The following TBC1D10A variants were observed in gnomAD, a reference collection of about 807,000 sequenced individuals.
The protein encoded by TBC1D10A is EBP50-PDX interactor of 64 kDa.
Under a neutral mutation model 52.9 loss-of-function variants are expected in TBC1D10A, and 24 were observed. The ratio of observed to expected loss-of-function variants is 0.45; its 90% CI spans 0.33 to 0.64. The LOEUF (loss-of-function observed/expected upper bound fraction) is 0.64, where lower values mean the gene tolerates loss of function less well. Among genes scored for constraint, TBC1D10A ranks in the 30% least tolerant of loss-of-function variants. The probability of loss-of-function intolerance (pLI) is 0.02; values close to 1 mark genes in which losing one functional copy is unlikely to be tolerated. For missense variants in TBC1D10A, 602 were observed against 687.9 expected (o/e 0.88, Z 1.40); for synonymous variants, 278 against 282.9 (o/e 0.98, Z 0.17).
At chr22:30,314,986 G>A (rs1283236302) in intron 1 of TBC1D10A, among the ~76,000 whole-genome samples, 1 of 152,266 alleles carries the variant, frequency 6.6e-6, no homozygotes, top group African/African-American at 2.4e-5. Flanking sequence ...GAATCTTTCG[G>A]GATGCCCACC....
In TBC1D10A at chr22:30,326,657, C is replaced by T. The variant is rs1462315522; in HGVS notation, c.209+16G>A. 2 of 1,556,500 alleles carry T rather than the reference C, an allele frequency of 1.3e-6. No individual in the cohort carries two copies. The highest frequency in any genetic ancestry group is 2.8e-5 in the African/African-American group (2 of 70,868). On this transcript the variant is annotated intron_variant, in intron 1 of 8. Coordinates refer to ENST00000215790, the MANE Select transcript of TBC1D10A (RefSeq NM_031937.3). ...CGTGGGTGGCGCGCTCAGTCCCGAC[C>T]CCCGGCGCTACTCACGCGCCCTCGG...
At chr22:30,301,711 G>A (rs752007563) in intron 2 of TBC1D10A, among the ~76,000 whole-genome samples, 8 of 152,162 alleles carry the variant, frequency 5.3e-5, no homozygotes, top group Non-Finnish European at 1.2e-4. Flanking sequence ...GTGCAAACAA[G>A]AGAAAACTTT....
chr22:30,326,027 C>T (rs536340810), intron 1 of TBC1D10A, among the ~76,000 whole-genome samples: 1 of 152,112 alleles, frequency 6.6e-6, no homozygotes, highest in African/African-American at 2.4e-5. Flanking sequence ...GGCCCTTCTC[C>T]GACCCTTCCA....
intron 1 of TBC1D10A, among the ~76,000 whole-genome samples, chr22:30,319,192 C>G (rs922735175): frequency 6.6e-6 from 1 of 152,186 alleles, no homozygotes; most frequent in Non-Finnish European, 1.5e-5. Context: ...GGATCAAATG[C>G]TACTACTTTC....
chr22:30,322,667 T>C (rs1930681770), intron 1 of TBC1D10A, among the ~76,000 whole-genome samples: 1 of 120,904 alleles, frequency 8.3e-6, no homozygotes, highest in South Asian at 2.9e-4. Flanking sequence ...TGATTTCAGC[T>C]CACGGTAACC....
rs199608044 is a variant in TBC1D10A at position 30,292,732 on chromosome 22, G to A, written c.1170C>T (p.Ala390=). ...CAGGTTCTGCATCCAAGATAGCCTT[G>A]GCACCATGCAGCCTGGGCGGGGAGC... ...QCRSPPRLHG[A]KAILDAEPGP... is the part of the protein sequence containing the mutation. Residue 390 remains alanine, a synonymous_variant, in exon 9 of 9, where the codon GCC becomes GCT. Coordinates refer to ENST00000215790, the MANE Select transcript of TBC1D10A (RefSeq NM_031937.3). The A allele has an allele frequency of 3.0e-5, 49 of 1,611,868 alleles. No homozygotes were observed. The East Asian group carries it at 1.1e-3, about 36-fold the overall frequency.
At chr22:30,308,324 A>ATGCCTGCCTGCCTGCCTGCC (rs141019001) in intron 1 of TBC1D10A, among the ~76,000 whole-genome samples, 1 of 147,764 alleles carries the variant, frequency 6.8e-6, no homozygotes, top group Non-Finnish European at 1.5e-5. Context: ...GCATGCCTGC[A>ATGCCTGCCTGCCTGCCTGCC]TGCCTGCATG....
intron 5 of TBC1D10A, 23 bp downstream of exon 5, chr22:30,294,918 G>C: frequency 6.2e-7 from 1 of 1,613,958 alleles, no homozygotes; most frequent in Non-Finnish European, 8.5e-7. Context: ...CCACCCCCCT[G>C]CCTGCCCGGG....
chr22:30,318,526 C>T (rs1192639168), intron 1 of TBC1D10A: 5 of 444,316 alleles, frequency 1.1e-5, no homozygotes, highest in East Asian at 7.0e-5. Context: ...GCTGTGACAA[C>T]GCAGAGTCAC....
intron 1 of TBC1D10A, among the ~76,000 whole-genome samples, chr22:30,322,490 G>T (rs187831005): frequency 6.8e-6 from 1 of 146,840 alleles, no homozygotes; most frequent in African/African-American, 2.5e-5. Context: ...ACAAGGTGAA[G>T]AAATGGAAAG....
chr22:30,320,863 G>A (rs1930636938), intron 1 of TBC1D10A, among the ~76,000 whole-genome samples: 1 of 152,246 alleles, frequency 6.6e-6, no homozygotes, highest in African/African-American at 2.4e-5. Flanking sequence ...GAGGCTCAGA[G>A]AAGTGAAGCA....
chr22:30,299,408 C>T (rs759451079), intron 3 of TBC1D10A, 36 bp downstream of exon 3: 84 of 1,600,118 alleles, frequency 5.2e-5, no homozygotes, highest in Non-Finnish European at 6.5e-5. Context: ...CCAAGAGATG[C>T]GGAAGGGAGG....
At chr22:30,303,788 T>A (rs1930255095) in intron 2 of TBC1D10A, among the ~76,000 whole-genome samples, 1 of 152,226 alleles carries the variant, frequency 6.6e-6, no homozygotes, top group African/African-American at 2.4e-5. Context: ...AACACCATGC[T>A]GAGGGCAGCC....
At position 30,326,873 on chromosome 22, in the gene TBC1D10A, C is replaced by T; in HGVS notation, c.9G>A (p.Lys3=). The change falls in exon 1 of 9, where the codon AAG becomes AAA. Residue 3 remains lysine (K), a synonymous_variant. Coordinates refer to ENST00000215790, the MANE Select transcript of TBC1D10A (RefSeq NM_031937.3). The part of the protein sequence containing the change: MA[K]SNGENGPRAP... ...CGCGCGGCCCATTCTCTCCGTTGCTCTTCGCCATCCCAGCCGCGCCCGCCG... is the reference window on the plus strand; with the variant it reads ...CGCGCGGCCCATTCTCTCCGTTGCTTTTCGCCATCCCAGCCGCGCCCGCCG... 6.7e-7 allele frequency: 1 copy of T among 1,500,432 alleles called. No homozygotes were observed. The allele number at this position is 1,500,432 out of a possible 1,614,324, so 92.9% of individuals were successfully genotyped here.
chr22:30,313,550 ATTTTT>A (rs35640957), intron 1 of TBC1D10A, among the ~76,000 whole-genome samples: 1 of 42,208 alleles, frequency 2.4e-5, no homozygotes. Flanking sequence ...CGGCCAGCTA[ATTTTT>A]TTTTTTTTTT....
chr22:30,314,547 C>T (rs950621750), intron 1 of TBC1D10A, among the ~76,000 whole-genome samples: 2 of 152,124 alleles, frequency 1.3e-5, no homozygotes, highest in Admixed American at 1.3e-4. Flanking sequence ...CAGTAGCTCA[C>T]GCCTATAATC....
In TBC1D10A at chr22:30,293,945, C is replaced by T. The variant is rs761736285; in HGVS notation, c.871G>A (p.Val291Ile). ...RTLPWSSVLR[V>I]WDMFFCEGVK... ...CCTTCACAGAAGAACATGTCCCAGA[C>T]ACGCAGCACAGAGCTCCAGGGCAAG... Residue 291 changes from valine to isoleucine, a missense_variant, in exon 7 of 9, where the codon GTC becomes ATC. Around this residue, in one of 3 missense-constraint regions of TBC1D10A, gnomAD observed 136 missense variants for 208.4 expected, o/e 0.65. Transcript: ENST00000215790. 20 of 1,613,998 alleles carry T rather than the reference C, an allele frequency of 1.2e-5. No homozygotes were observed. The South Asian group carries it at 1.9e-4, about 15-fold the overall frequency.
In TBC1D10A at chr22:30,292,440, C is replaced by A. The variant is rs1929964022; in HGVS notation, c.1462G>T (p.Val488Phe). The A allele has an allele frequency of 1.2e-6, 2 of 1,600,434 alleles. No homozygotes were observed. Among genetic ancestry groups the A allele is most frequent in the African/African-American group, 2.7e-5 (2 of 74,718 alleles). ...TCCTGGGAGCGGTGGTGGGCTGAGACCTGGGGAGCCAAATCCTGAGGGGCT... is the reference window on the plus strand; with the variant it reads ...TCCTGGGAGCGGTGGTGGGCTGAGAACTGGGGAGCCAAATCCTGAGGGGCT... The part of the protein sequence containing the change: ...DSAPQDLAPQ[V>F]SAHHRSQESL... The change falls in exon 9 of 9, where the codon GTC becomes TTC. Residue 488 changes from valine to phenylalanine, a missense_variant. By Grantham distance (50) the Val-to-Phe change is conservative. Around this residue, in one of 3 missense-constraint regions of TBC1D10A, gnomAD observed 265 missense variants for 275.1 expected, o/e 0.96. Coordinates refer to ENST00000215790, the MANE Select transcript of TBC1D10A (RefSeq NM_031937.3).
chr22:30,313,406 C>T (rs1332790567), intron 1 of TBC1D10A, among the ~76,000 whole-genome samples: 7 of 146,794 alleles, frequency 4.8e-5, no homozygotes, highest in South Asian at 2.1e-4. Context: ...TGTTTTGAGA[C>T]GGAGTCTTGC....
Sources: gnomAD v4.1 joint callset for allele counts (sites outside exome capture counted in the v4.1 genomes callset) on GRCh38, gnomAD v4.1.1 for gene constraint, gnomAD v4.1.1 regional missense constraint, MANE v1.5 for transcripts, NCBI Gene and HGNC (gene_info 2026-07-23, HGNC 2026-07-21) for gene names.